Variants in RNF115 observed in about 807,000 individuals in gnomAD.
RNF115 encodes ring finger protein 115.
In RNF115, 31 loss-of-function variants were observed where a neutral mutation model predicts 39.2. The ratio of observed to expected loss-of-function variants is 0.79; its 90% CI spans 0.59 to 1.07. The LOEUF (loss-of-function observed/expected upper bound fraction) is 1.07, where lower values mean the gene tolerates loss of function less well. Ranked by LOEUF, RNF115 falls within the 50% of genes least tolerant of loss-of-function variation. The pLI, the probability that RNF115 is intolerant of heterozygous loss-of-function variation, is 0.00. For missense variants in RNF115, 384 were observed against 381.7 expected, an observed-to-expected ratio of 1.01 and a Z score of -0.05; for synonymous variants, 124 against 131.0, an observed-to-expected ratio of 0.95 and a Z score of 0.37.
At chr1:145,757,583 A>T (rs1003123799) in intron 4 of RNF115, among the ~76,000 whole-genome samples, 1 of 152,240 alleles carries the variant, frequency 6.6e-6, no homozygotes, top group African/African-American at 2.4e-5. Flanking sequence ...ACTACTTTTA[A>T]TGGAAAAGAA....
chr1:145,769,908 G>C (rs1262126105), intron 4 of RNF115, among the ~76,000 whole-genome samples: 5 of 152,146 alleles, frequency 3.3e-5, no homozygotes, highest in South Asian at 4.1e-4. Flanking sequence ...TTCATAGGCT[G>C]AAGTGGGAGG....
chr1:145,819,216 G>A (rs1369226275), intron 1 of RNF115, among the ~76,000 whole-genome samples: 7 of 144,164 alleles, frequency 4.9e-5, no homozygotes, highest in Middle Eastern at 7.4e-3. Flanking sequence ...CAGGCGGATC[G>A]CTTGAGCCTA....
rs1451265688 is a variant in RNF115, at chr1:145,742,073, C to T, written c.*4793G>A. ...GCAGTGACCTGAGATCACGCCACTG[C>T]ACTCCAGCCTGGGCGAAAGAGTGAG... On this transcript the variant is annotated 3_prime_UTR_variant, in exon 9 of 9. Transcript: ENST00000582693. The T allele has an allele frequency of 6.6e-6, 1 of 152,224 alleles. No individual in the cohort carries two copies. Among genetic ancestry groups the T allele is most frequent in the Non-Finnish European group, 1.5e-5 (1 of 68,056 alleles). 9.4% of individuals were successfully genotyped at this position (152,224 alleles called of 1,614,324 possible). A position where few individuals can be genotyped will look rare whatever the true frequency, so the allele number is the denominator to read the frequency against.
intron 1 of RNF115, among the ~76,000 whole-genome samples, chr1:145,798,812 T>C (rs977478079): frequency 3.9e-5 from 6 of 152,282 alleles, no homozygotes; most frequent in African/African-American, 9.6e-5. Context: ...TGTCTTTCTA[T>C]TTATTTGTAT....
intron 4 of RNF115, among the ~76,000 whole-genome samples, chr1:145,766,442 CCTT>C (rs1647277162): frequency 1.3e-5 from 2 of 152,202 alleles, no homozygotes; most frequent in South Asian, 2.1e-4. Flanking sequence ...CTTTTCCTCA[CCTT>C]TCCCCGCTTT....
intron 3 of RNF115, among the ~76,000 whole-genome samples, chr1:145,776,647 T>C (rs1454419231): frequency 2.6e-5 from 4 of 151,808 alleles, no homozygotes; most frequent in Non-Finnish European, 4.4e-5. Flanking sequence ...AAGACCAGCC[T>C]AGCATGGTGA....
Position 145,771,910 on chromosome 1 carries a change from GGC to G in RNF115, c.227_228del (p.Gly76AlafsTer12), listed in dbSNP as rs781848189. 1 of 1,613,396 alleles carries G rather than the reference GGC, an allele frequency of 6.2e-7. No homozygotes were observed. The highest frequency in any genetic ancestry group is 1.7e-5 in the Admixed American group (1 of 59,962). ...TTTTHFAELW[G>X]HLDHTMFFQD... The stretch of plus-strand genomic sequence containing the variant: ...TGAAAAAACATCGTGTGATCCAAAT[GGC>G]CCCAAAGCTAGTAAAGACCAGAAAT... On this transcript the variant is annotated frameshift_variant, in exon 4 of 9. Coordinates refer to ENST00000582693, the MANE Select transcript of RNF115 (RefSeq NM_014455.4). LOFTEE classifies it high-confidence loss of function.
intron 1 of RNF115, among the ~76,000 whole-genome samples, chr1:145,822,210 T>G (rs1650286899): frequency 6.6e-6 from 1 of 151,144 alleles, no homozygotes; most frequent in African/African-American, 2.4e-5. Context: ...GCACCTATAG[T>G]CCCAGCTACC....
intron 4 of RNF115, among the ~76,000 whole-genome samples, chr1:145,765,915 A>C (rs1186472394): frequency 6.6e-6 from 1 of 152,226 alleles, no homozygotes; most frequent in Non-Finnish European, 1.5e-5. Flanking sequence ...AAACTTATTA[A>C]GTTGGTGTGA....
chr1:145,776,241 T>C (rs9286839), intron 3 of RNF115, among the ~76,000 whole-genome samples: 6,727 of 147,228 alleles, frequency 0.046, 531 homozygotes, highest in African/African-American at 0.16. Flanking sequence ...CCTGGCTCAC[T>C]GCATACTCCG....
At chr1:145,752,094 C>T (rs1232875696) in intron 5 of RNF115, among the ~76,000 whole-genome samples, 1 of 152,008 alleles carries the variant, frequency 6.6e-6, no homozygotes, top group Admixed American at 6.6e-5. Context: ...TGACAGAGGT[C>T]CTAAAAGGAC....
intron 8 of RNF115, among the ~76,000 whole-genome samples, chr1:145,747,725 T>C (rs1657927536): frequency 6.6e-6 from 1 of 152,184 alleles, no homozygotes; most frequent in Admixed American, 6.5e-5. Flanking sequence ...TCAACTCTGC[T>C]GACGTAGCAC....
intron 2 of RNF115, among the ~76,000 whole-genome samples, chr1:145,787,383 C>T (rs1648431534): frequency 6.6e-6 from 1 of 151,836 alleles, no homozygotes; most frequent in South Asian, 2.1e-4. Flanking sequence ...ACCAGCCTGG[C>T]AAACACGGTG....
At chr1:145,750,521 A>G in intron 6 of RNF115, 21 bp from the exon 7 acceptor site, 1 of 1,595,312 alleles carries the variant, frequency 6.3e-7, no homozygotes, top group Non-Finnish European at 8.6e-7. Flanking sequence ...AGAGAAAGAA[A>G]AAGACGAAGT....
rs1213371990 is a variant in RNF115 at position 145,791,845 on chromosome 1, A to AT, written c.103-2880dup. Among the ~76,000 whole-genome samples the AT allele has an allele frequency of 1.0e-3, 156 of 151,604 alleles. 3 individuals are homozygous for AT. The highest frequency in any genetic ancestry group is 3.5e-3 in the African/African-American group (145 of 41,372). On this transcript the variant is annotated intron_variant, in intron 1 of 8. Coordinates refer to ENST00000582693, the MANE Select transcript of RNF115 (RefSeq NM_014455.4). ...CTATTAAAATAGACCTGAGAAACAC[A>AT]TTTTTTTTTAAACCTCATCCTAGAC...
chr1:145,794,823 C>G (rs1240234474), intron 1 of RNF115, among the ~76,000 whole-genome samples: 2 of 151,768 alleles, frequency 1.3e-5, no homozygotes, highest in Admixed American at 1.3e-4. Flanking sequence ...TGAGACTATC[C>G]TGGCTAACAC....
At chr1:145,751,893 G>A (rs587657106) in intron 5 of RNF115, among the ~76,000 whole-genome samples, 1 of 152,310 alleles carries the variant, frequency 6.6e-6, no homozygotes, top group East Asian at 1.9e-4. Context: ...AAAATCTACA[G>A]CAAACATCCC....
At chr1:145,768,328 T>C (rs1247976693) in intron 4 of RNF115, among the ~76,000 whole-genome samples, 1 of 152,214 alleles carries the variant, frequency 6.6e-6, no homozygotes, top group Non-Finnish European at 1.5e-5. Flanking sequence ...AAGTACTCTT[T>C]TTCTTGAAAT....
At chr1:145,754,016 G>A (rs1459284931) in intron 4 of RNF115, among the ~76,000 whole-genome samples, 2 of 151,970 alleles carry the variant, frequency 1.3e-5, no homozygotes, top group African/African-American at 4.8e-5. Flanking sequence ...GCAATGATAT[G>A]CAATTTTAAG....
Sources: allele counts gnomAD v4.1 joint callset (sites outside exome capture counted in the v4.1 genomes callset), GRCh38; gene constraint gnomAD v4.1.1; transcripts MANE v1.5; gene names NCBI Gene and HGNC (gene_info 2026-07-23, HGNC 2026-07-21).